SLC5A5: variants seen among roughly 807,000 people sequenced by gnomAD.
The protein encoded by SLC5A5 is solute carrier family 5 member 5, also known as sodium/iodide cotransporter.
In SLC5A5, 56 loss-of-function variants were observed where a neutral mutation model predicts 68.6. The observed-to-expected ratio is 0.82, with a 90% CI of 0.66 to 1.02. The LOEUF (loss-of-function observed/expected upper bound fraction) is 1.02, where lower values mean the gene tolerates loss of function less well. SLC5A5 is among the 50% of genes least tolerant of loss of function. The pLI is 0.00. For synonymous variants in SLC5A5, 398 were observed against 373.0 expected (o/e 1.07, Z -0.77); for missense variants, 807 against 859.8 (o/e 0.94, Z 0.77).
chr19:17,888,376 T>C lies in SLC5A5; in HGVS notation c.1572T>C (p.Tyr524=). 1 of 1,614,062 alleles carries C rather than the reference T, an allele frequency of 6.2e-7. No individual in the cohort carries two copies. Among genetic ancestry groups the C allele is most frequent in the Non-Finnish European group, 8.5e-7 (1 of 1,180,014 alleles). The change falls in exon 13 of 15, where the codon TAT becomes TAC. Residue 524 remains tyrosine, a synonymous_variant. Transcript: ENST00000222248. ...GACCCGCCTTAGCTGACAGCTTCTA[T>C]GCCATCTCCTATCTCTATTACGGTG... is the stretch of plus-strand genomic sequence containing the variant. ...ASRPALADSF[Y]AISYLYYGAL...
Position 17,893,924 on chromosome 19 carries a change from A to C in SLC5A5, c.*47A>C. ...TGACACCCTGGGATGGAACCTCAGG[A>C]TGGGCCAAACCCAGACAACGGGCCC... On this transcript the variant is annotated 3_prime_UTR_variant, in exon 15 of 15. Transcript: ENST00000222248. The C allele has an allele frequency of 6.5e-7, 1 of 1,532,530 alleles. No individual in the cohort carries two copies. Among genetic ancestry groups the C allele is most frequent in the Non-Finnish European group, 8.9e-7 (1 of 1,129,602 alleles). 94.9% of individuals were successfully genotyped at this position (1,532,530 alleles called of 1,614,324 possible).
intron 7 of SLC5A5, among the ~76,000 whole-genome samples, chr19:17,878,303 G>A (rs1316802380): frequency 9.2e-5 from 14 of 152,110 alleles, no homozygotes; most frequent in Non-Finnish European, 1.5e-5. Flanking sequence ...TCAGGAGTTT[G>A]AGACCAGTCT....
rs1486530152 is a variant in SLC5A5, at chr19:17,877,744, C to T, written c.720C>T (p.Ser240=). ...CCAGCTTTAACCCTGACCCGAGGAG[C>T]CGCTATACATTCTGGACTTTTGTGG... ...NLMDFNPDPR[S]RYTFWTFVVG... Residue 240 remains serine, a synonymous_variant, in exon 6 of 15, where the codon AGC becomes AGT. Transcript: ENST00000222248. 48 of 1,614,048 alleles carry T rather than the reference C, an allele frequency of 3.0e-5. No individual in the cohort carries two copies. Among genetic ancestry groups the T allele is most frequent in the Non-Finnish European group, 4.0e-5 (47 of 1,180,028 alleles).
intron 12 of SLC5A5, among the ~76,000 whole-genome samples, chr19:17,885,015 T>TC (rs2094330153): frequency 6.6e-6 from 1 of 151,038 alleles, no homozygotes; most frequent in Admixed American, 6.6e-5. Context: ...TTCTATTTTT[T>TC]TTTTTTTTTG....
intron 13 of SLC5A5, among the ~76,000 whole-genome samples, 200 bp downstream of exon 13, chr19:17,888,655 T>C (rs549925033): frequency 2.0e-5 from 3 of 150,964 alleles, no homozygotes; most frequent in Non-Finnish European, 4.4e-5. Flanking sequence ...ATTTTTGAGA[T>C]AGAGTCTCAC....
chr19:17,876,690 C>T (rs954180394), intron 5 of SLC5A5, among the ~76,000 whole-genome samples: 12 of 152,086 alleles, frequency 7.9e-5, no homozygotes, highest in Admixed American at 6.6e-4. Flanking sequence ...GATGAAAGTC[C>T]GTCTTTACTA....
chr19:17,877,727 A>G lies in SLC5A5; in HGVS notation c.703A>G (p.Asn235Asp), dbSNP rs780821656. The G allele has an allele frequency of 6.2e-7, 1 of 1,614,068 alleles. No homozygotes were observed. The highest frequency in any genetic ancestry group is 8.5e-7 in the Non-Finnish European group (1 of 1,179,966). Reference protein sequence around the residue: ...NHSRINLMDFNPDPRSRYTFW... With the variant: ...NHSRINLMDFDPDPRSRYTFW... ...ACTTGCCCTGTCCCCACCCAGCTTT[A>G]ACCCTGACCCGAGGAGCCGCTATAC... The change falls in exon 6 of 15, where the codon AAC (asparagine) becomes GAC (aspartate). Residue 235 changes from asparagine (N) to aspartate (D), a missense_variant. Transcript: ENST00000222248.
chr19:17,887,723 G>T (rs954806116), intron 12 of SLC5A5, among the ~76,000 whole-genome samples: 3 of 150,702 alleles, frequency 2.0e-5, no homozygotes, highest in African/African-American at 7.3e-5. Context: ...TCAGCCTCTC[G>T]AGTAGCTGGG....
intron 3 of SLC5A5, 58 bp from the exon 4 acceptor site, chr19:17,874,606 C>A: frequency 1.2e-6 from 2 of 1,612,310 alleles, no homozygotes; most frequent in South Asian, 1.1e-5. Context: ...AGAGGAGAAC[C>A]CAAGACTAAG....
At chr19:17,877,399 T>G (rs987001115) in intron 5 of SLC5A5, among the ~76,000 whole-genome samples, 4 of 151,766 alleles carry the variant, frequency 2.6e-5, no homozygotes, top group African/African-American at 9.7e-5. Context: ...AACCTCCGCC[T>G]CCTGGGTTGA....
At chr19:17,892,696 G>C (rs972761157) in intron 14 of SLC5A5, among the ~76,000 whole-genome samples, 5 of 143,218 alleles carry the variant, frequency 3.5e-5, no homozygotes, top group African/African-American at 1.3e-4. Context: ...GAGAGAGAGA[G>C]AGCAAGCTAA....
At chr19:17,888,253 G>A in intron 12 of SLC5A5, 78 bp from the exon 13 acceptor site, 2 of 1,567,042 alleles carry the variant, frequency 1.3e-6, no homozygotes, top group South Asian at 1.1e-5. Context: ...AAGGAAGCAG[G>A]GGGTGAGGTT....
Position 17,888,314 on chromosome 19 carries a change from T to A in SLC5A5, c.1527-17T>A. The A allele has an allele frequency of 6.2e-7, 1 of 1,613,476 alleles. No individual in the cohort carries two copies. Among genetic ancestry groups the A allele is most frequent in the African/African-American group, 1.3e-5 (1 of 74,974 alleles). On this transcript the variant is annotated splice_polypyrimidine_tract_variant and intron_variant, in intron 12 of 14. Coordinates refer to ENST00000222248, the MANE Select transcript of SLC5A5 (RefSeq NM_000453.3). ...GGATAAAAGAGGAGGTTCAAGTCTGTCTCTCCCAACCTGCAGCTCAGGAAT... is the reference window on the plus strand; with the variant it reads ...GGATAAAAGAGGAGGTTCAAGTCTGACTCTCCCAACCTGCAGCTCAGGAAT...
chr19:17,874,798 CTG>C, intron 4 of SLC5A5, 67 bp downstream of exon 4: 1 of 1,488,406 alleles, frequency 6.7e-7, no homozygotes, highest in Non-Finnish European at 9.3e-7. Flanking sequence ...TGGGGAGACT[CTG>C]GGCTTGCCCC....
intron 7 of SLC5A5, among the ~76,000 whole-genome samples, chr19:17,879,111 G>A (rs1488293801): frequency 3.3e-5 from 5 of 150,086 alleles, no homozygotes; most frequent in East Asian, 2.0e-4. Flanking sequence ...TGACCAACAT[G>A]GAAAAACCCC....
chr19:17,888,475 G>A lies in SLC5A5; in HGVS notation c.1651+20G>A. On this transcript the variant is annotated intron_variant, in intron 13 of 14. Coordinates refer to ENST00000222248, the MANE Select transcript of SLC5A5 (RefSeq NM_000453.3). ...TGACAGGTAGGTAAACAGAGCATGT[G>A]GCCTCAGAGGTCATCCCATTCATCT... 6.2e-7 allele frequency: 1 copy of A among 1,612,942 alleles called. No individual in the cohort carries two copies. Among genetic ancestry groups the A allele is most frequent in the Non-Finnish European group, 8.5e-7 (1 of 1,179,802 alleles).
Position 17,893,729 on chromosome 19 carries a change from C to G in SLC5A5, c.1784C>G (p.Pro595Arg), listed in dbSNP as rs2030290075. 1 of 1,613,930 alleles carries G rather than the reference C, an allele frequency of 6.2e-7. No individual in the cohort carries two copies. Among genetic ancestry groups the G allele is most frequent in the Non-Finnish European group, 8.5e-7 (1 of 1,179,964 alleles). ...DNLVKGPEELPTGNKKPPGFL... is the reference protein window; with the variant it reads ...DNLVKGPEELRTGNKKPPGFL... ...TTTCCCCAGGGTCCTGAAGAACTCC[C>G]CACTGGAAACAAGAAGCCCCCTGGC... Residue 595 changes from proline to arginine, a missense_variant, in exon 15 of 15, where the codon CCC (proline) becomes CGC (arginine). Pro to Arg is a moderately radical substitution (Grantham distance 103, BLOSUM62 -2). Coordinates refer to ENST00000222248, the MANE Select transcript of SLC5A5 (RefSeq NM_000453.3).
chr19:17,878,241 C>T, intron 7 of SLC5A5, 148 bp downstream of exon 7: 1 of 955,912 alleles, frequency 1.0e-6, no homozygotes, highest in Non-Finnish European at 1.6e-6. Context: ...TGCGGCGGCT[C>T]ATGCCTGTAT....
At chr19:17,878,208 GAA>G in intron 7 of SLC5A5, 115 bp downstream of exon 7, 1 of 1,298,730 alleles carries the variant, frequency 7.7e-7, no homozygotes, top group Non-Finnish European at 1.1e-6. Context: ...CAAGAAGTAG[GAA>G]AGAGCTGAGA....
Sources: allele counts gnomAD v4.1 joint callset (sites outside exome capture counted in the v4.1 genomes callset), GRCh38; gene constraint gnomAD v4.1.1; transcripts MANE v1.5; gene names NCBI Gene and HGNC (gene_info 2026-07-23, HGNC 2026-07-21).